Variants in NELL1 observed in about 807,000 individuals in gnomAD.
NELL1 encodes the protein neural EGFL like 1.
NELL1 carries 76 observed loss-of-function variants against 107.4 expected under a neutral mutation model. The observed-to-expected ratio is 0.71, with a 90% CI of 0.59 to 0.86. The LOEUF is 0.86. NELL1 is among the 40% of genes least tolerant of loss of function. The probability of loss-of-function intolerance (pLI) is 0.00; values close to 1 mark genes in which losing one functional copy is unlikely to be tolerated. For synonymous variants in NELL1, 353 were observed against 341.2 expected (o/e 1.03, Z -0.38); for missense variants, 1,024 against 1,005.5 (o/e 1.02, Z -0.25).
chr11:21,344,446 A>G (rs576603571), intron 14 of NELL1, among the ~76,000 whole-genome samples: 16 of 152,320 alleles, frequency 1.1e-4, no homozygotes, highest in African/African-American at 3.8e-4. Flanking sequence ...GTGTAAACCC[A>G]GACAGCAAAC....
intron 14 of NELL1, among the ~76,000 whole-genome samples, chr11:21,251,118 T>G (rs552244057): frequency 8.5e-5 from 13 of 152,292 alleles, no homozygotes; most frequent in African/African-American, 3.1e-4. Flanking sequence ...TGGAGGTTTT[T>G]GAGATATACT....
intron 12 of NELL1, among the ~76,000 whole-genome samples, chr11:21,020,848 C>A (rs1046218753): frequency 6.6e-6 from 1 of 151,910 alleles, no homozygotes; most frequent in African/African-American, 2.4e-5. Flanking sequence ...AGCCCATAAA[C>A]AACCACTAAT....
intron 2 of NELL1, among the ~76,000 whole-genome samples, chr11:20,722,111 C>T (rs777912353): frequency 9.5e-4 from 133 of 139,502 alleles, no homozygotes; most frequent in Middle Eastern, 7.4e-3. Context: ...ACCTGCATCT[C>T]CCAGGTTCAA....
chr11:21,492,713 G>A (rs998001439), intron 15 of NELL1, among the ~76,000 whole-genome samples: 1 of 137,948 alleles, frequency 7.2e-6, no homozygotes, highest in African/African-American at 2.7e-5. Context: ...CATGGACATA[G>A]GAAGGGGAAC....
intron 13 of NELL1, among the ~76,000 whole-genome samples, chr11:21,221,483 G>T (rs1590746401): frequency 1.3e-5 from 2 of 152,120 alleles, no homozygotes; most frequent in East Asian, 1.9e-4. Flanking sequence ...AAGTTTGATA[G>T]AATTCATCAG....
At chr11:21,113,262 G>T (rs905354543) in intron 12 of NELL1, among the ~76,000 whole-genome samples, 11 of 151,848 alleles carry the variant, frequency 7.2e-5, no homozygotes, top group Non-Finnish European at 5.9e-5. Flanking sequence ...CATTGATATC[G>T]ACTTAGTGGA....
intron 2 of NELL1, among the ~76,000 whole-genome samples, chr11:20,758,121 C>T (rs1359320510): frequency 1.3e-5 from 2 of 152,148 alleles, no homozygotes; most frequent in Non-Finnish European, 2.9e-5. Flanking sequence ...GGCCTTGTCT[C>T]CAAATACCAT....
chr11:21,379,112 A>G (rs1341902835), intron 15 of NELL1, among the ~76,000 whole-genome samples: 1 of 152,070 alleles, frequency 6.6e-6, no homozygotes, highest in African/African-American at 2.4e-5. Context: ...TTATTTATTT[A>G]TAGTGGTACA....
At chr11:20,704,644 A>G (rs1305165025) in intron 2 of NELL1, among the ~76,000 whole-genome samples, 1 of 152,128 alleles carries the variant, frequency 6.6e-6, no homozygotes, top group Non-Finnish European at 1.5e-5. Flanking sequence ...GGCTGGTACC[A>G]GTTGTTCCTT....
At chr11:21,403,607 A>C (rs77258944) in intron 15 of NELL1, among the ~76,000 whole-genome samples, 824 of 13,366 alleles carry the variant, frequency 0.062, 17 homozygotes, top group African/African-American at 0.16. Context: ...GTAGCTCTTC[A>C]AAAAAAAAAA....
intron 14 of NELL1, among the ~76,000 whole-genome samples, chr11:21,330,938 A>G (rs1056398306): frequency 1.3e-5 from 2 of 151,984 alleles, no homozygotes; most frequent in Non-Finnish European, 2.9e-5. Context: ...AGATTGCATA[A>G]TCTTTATTCG....
At chr11:20,846,565 G>A (rs1053728483) in intron 3 of NELL1, among the ~76,000 whole-genome samples, 23 of 152,232 alleles carry the variant, frequency 1.5e-4, no homozygotes, top group Middle Eastern at 3.4e-3. Context: ...TCACCACTTT[G>A]TCATCATGCC....
intron 3 of NELL1, among the ~76,000 whole-genome samples, chr11:20,799,300 T>A (rs753600791): frequency 6.6e-6 from 1 of 152,212 alleles, no homozygotes; most frequent in African/African-American, 2.4e-5. Flanking sequence ...AATAGCTTCC[T>A]TGATGATTTC....
At chr11:20,958,735 C>T (rs1317352196) in intron 11 of NELL1, among the ~76,000 whole-genome samples, 1 of 152,138 alleles carries the variant, frequency 6.6e-6, no homozygotes, top group East Asian at 1.9e-4. Context: ...GAAGAAGTAG[C>T]AGGGAACAAG....
intron 15 of NELL1, among the ~76,000 whole-genome samples, chr11:21,430,753 G>A (rs979285859): frequency 6.6e-6 from 1 of 152,078 alleles, no homozygotes; most frequent in Admixed American, 6.6e-5. Context: ...TTGATCTGTA[G>A]CATAATGCAA....
At chr11:20,986,141 C>T (rs1203550965) in intron 12 of NELL1, among the ~76,000 whole-genome samples, 4 of 152,114 alleles carry the variant, frequency 2.6e-5, no homozygotes, top group African/African-American at 9.7e-5. Flanking sequence ...GCCATGCTAC[C>T]CTCCGCTCCC....
intron 12 of NELL1, among the ~76,000 whole-genome samples, chr11:21,001,685 G>A (rs945592473): frequency 6.6e-6 from 1 of 151,788 alleles, no homozygotes; most frequent in African/African-American, 2.4e-5. Flanking sequence ...AAATAAGAGA[G>A]CCTCAGACCA....
At chr11:21,439,543 T>C (rs1019100615) in intron 15 of NELL1, among the ~76,000 whole-genome samples, 5 of 152,182 alleles carry the variant, frequency 3.3e-5, no homozygotes, top group African/African-American at 9.6e-5. Context: ...AAGCTGTCAC[T>C]GTGATGACTT....
chr11:21,463,297 G>T (rs962004838), intron 15 of NELL1, among the ~76,000 whole-genome samples: 6 of 151,944 alleles, frequency 3.9e-5, no homozygotes, highest in African/African-American at 1.5e-4. Flanking sequence ...TTGGAGAGTT[G>T]GCCATCTGAT....
Sources: allele counts gnomAD v4.1 joint callset (sites outside exome capture counted in the v4.1 genomes callset), GRCh38; gene constraint gnomAD v4.1.1; transcripts MANE v1.5; gene names NCBI Gene and HGNC (gene_info 2026-07-23, HGNC 2026-07-21).